SLC26A9: variants seen among roughly 807,000 people sequenced by gnomAD.
The protein encoded by SLC26A9 is anion transporter/exchanger protein 9.
A neutral mutation model predicts 87.1 loss-of-function variants in SLC26A9; 46 were observed. The observed-to-expected ratio is 0.53, with a 90% CI of 0.42 to 0.67. The LOEUF is 0.67. SLC26A9 is among the 30% of genes least tolerant of loss of function. The probability of loss-of-function intolerance (pLI) is 0.00; values close to 1 mark genes in which losing one functional copy is unlikely to be tolerated. For missense variants in SLC26A9, 927 were observed against 1,018.3 expected (o/e 0.91, Z 1.22); for synonymous variants, 437 against 409.1 (o/e 1.07, Z -0.82).
intron 14 of SLC26A9, 22 bp downstream of exon 14, chr1:205,923,522 G>T (rs770334457): frequency 4.3e-6 from 7 of 1,614,144 alleles, no homozygotes; most frequent in Non-Finnish European, 5.9e-6. Context: ...AAAGAAGGAG[G>T]TCATAAGCTT....
intron 1 of SLC26A9, among the ~76,000 whole-genome samples, chr1:205,937,252 C>T (rs533693153): frequency 6.6e-6 from 1 of 152,216 alleles, no homozygotes; most frequent in African/African-American, 2.4e-5. Flanking sequence ...CCAGCAGAAG[C>T]GAAGGTGGGA....
intron 8 of SLC26A9, 102 bp downstream of exon 8, chr1:205,928,725 G>T: frequency 1.8e-6 from 2 of 1,098,832 alleles, no homozygotes; most frequent in South Asian, 2.7e-5. Flanking sequence ...ATACAGTTTC[G>T]ACTGCACTTT....
rs1432173038 is a variant in SLC26A9, at chr1:205,914,771, C to T, written c.*586G>A. ...CCTTGGGGATGATGGAGGGGGGGCGCATAGTTACCAAGGCCTAGACTCCTG... is the reference window on the plus strand; with the variant it reads ...CCTTGGGGATGATGGAGGGGGGGCGTATAGTTACCAAGGCCTAGACTCCTG... On this transcript the variant is annotated 3_prime_UTR_variant, in exon 21 of 21. Coordinates refer to ENST00000367135, the MANE Select transcript of SLC26A9 (RefSeq NM_052934.4). The T allele has an allele frequency of 2.4e-6, 3 of 1,255,650 alleles. No homozygotes were observed. The highest frequency in any genetic ancestry group is 2.2e-6 in the Non-Finnish European group (2 of 900,900). The allele number at this position is 1,255,650 out of a possible 1,614,324, so 77.8% of individuals were successfully genotyped here.
intron 1 of SLC26A9, among the ~76,000 whole-genome samples, chr1:205,940,858 G>T (rs1478386409): frequency 6.6e-6 from 1 of 152,204 alleles, no homozygotes; most frequent in Non-Finnish European, 1.5e-5. Context: ...TGCCAGGTAC[G>T]GGAACAGCCC....
At position 205,935,705 on chromosome 1, in the gene SLC26A9, T is replaced by C; in HGVS notation, c.116A>G (p.Asn39Ser). ...GCTCTGGACCAGTTACCTGAAGGCA[T>C]TGCGAAGTTTCTCTCCCACTGGGTA... ...RTYPVGEKLRNAFRCSSAKIK... is the reference protein window; with the variant it reads ...RTYPVGEKLRSAFRCSSAKIK... The change falls in exon 2 of 21, where the codon AAT becomes AGT. Residue 39 changes from asparagine (N) to serine (S), a missense_variant. Physicochemically the swap from Asn to Ser is conservative, Grantham distance 46 (BLOSUM62 1). Transcript: ENST00000367135. 3 of 1,614,002 alleles carry C rather than the reference T, an allele frequency of 1.9e-6. No individual in the cohort carries two copies. The highest frequency in any genetic ancestry group is 1.7e-6 in the Non-Finnish European group (2 of 1,179,918).
chr1:205,932,636 C>T (rs1659351192), intron 4 of SLC26A9, 66 bp downstream of exon 4: 2 of 1,344,800 alleles, frequency 1.5e-6, no homozygotes, highest in South Asian at 1.5e-5. Context: ...TCCCGAGGCC[C>T]CTTTGCCACA....
Position 205,921,850 on chromosome 1 carries a change from G to T in SLC26A9, c.1774-3C>A. The T allele has an allele frequency of 6.2e-7, 1 of 1,602,446 alleles. No individual in the cohort carries two copies. The highest frequency in any genetic ancestry group is 1.1e-5 in the South Asian group (1 of 89,158). On this transcript the variant is annotated splice_region_variant and splice_polypyrimidine_tract_variant and intron_variant, in intron 16 of 20. Coordinates refer to ENST00000367135, the MANE Select transcript of SLC26A9 (RefSeq NM_052934.4). ...TGCAGCTCCTGCAGGGAGACAGTCT[G>T]GAAGGGTGGGGACAGTGGGCAGAGT...
rs921840520 is a variant in SLC26A9 at position 205,934,112 on chromosome 1, C to T, written c.126-1028G>A. ...TCTTGCTCAACAATAGTTTCCCTGA[C>T]ACTCGGTCCCCTGGATGTCACCCAA... On this transcript the variant is annotated intron_variant, in intron 2 of 20. Transcript: ENST00000367135. Among the ~76,000 whole-genome samples the T allele has an allele frequency of 8.5e-5, 13 of 152,210 alleles. 1 individual carries two copies. Among genetic ancestry groups the T allele is most frequent in the Admixed American group, 7.2e-4 (11 of 15,286 alleles).
In SLC26A9 at chr1:205,928,817, C is replaced by G; in HGVS notation, c.953+10G>C. ...CGGGTGGGCCAGGCTTCTGGGCCACCTGGACTCACCCGCGTTGGATTTCTC... is the reference window on the plus strand; with the variant it reads ...CGGGTGGGCCAGGCTTCTGGGCCACGTGGACTCACCCGCGTTGGATTTCTC... On this transcript the variant is annotated intron_variant, in intron 8 of 20. Transcript: ENST00000367135. 6.2e-7 allele frequency: 1 copy of G among 1,614,122 alleles called. No homozygotes were observed. Among genetic ancestry groups the G allele is most frequent in the South Asian group, 1.1e-5 (1 of 91,076 alleles).
chr1:205,924,542 A>G (rs551032299), intron 12 of SLC26A9, 53 bp from the exon 13 acceptor site: 671 of 1,550,792 alleles, frequency 4.3e-4, no homozygotes, highest in Non-Finnish European at 5.6e-4. Context: ...AACCTCTTTC[A>G]GGAAGTCTTC....
chr1:205,918,830 A>C lies in SLC26A9; in HGVS notation c.2256+10T>G. On this transcript the variant is annotated intron_variant, in intron 19 of 20. Coordinates refer to ENST00000367135, the MANE Select transcript of SLC26A9 (RefSeq NM_052934.4). ...TGGAGCCTAGGATTCCCCAGGTGCA[A>C]GAACCTTACCCCTTGGAAGTTGTGT... 6.2e-7 allele frequency: 1 copy of C among 1,608,868 alleles called. No individual in the cohort carries two copies. Among genetic ancestry groups the C allele is most frequent in the Non-Finnish European group, 8.5e-7 (1 of 1,175,654 alleles).
At position 205,923,329 on chromosome 1, in the gene SLC26A9, C is replaced by A. The variant is rs775411362; in HGVS notation, c.1659+6G>T. The A allele has an allele frequency of 1.2e-6, 2 of 1,613,896 alleles. No homozygotes were observed. The highest frequency in any genetic ancestry group is 1.1e-5 in the South Asian group (1 of 91,044). ...GAGCCTCTGGTCGCCAGGGACTGAG[C>A]CTTACCTTGGCGATGACCTTTTGCC... On this transcript the variant is annotated splice_donor_region_variant and intron_variant, in intron 15 of 20. Coordinates refer to ENST00000367135, the MANE Select transcript of SLC26A9 (RefSeq NM_052934.4).
chr1:205,915,080 C>A lies in SLC26A9; in HGVS notation c.*277G>T. On this transcript the variant is annotated 3_prime_UTR_variant, in exon 21 of 21. Coordinates refer to ENST00000367135, the MANE Select transcript of SLC26A9 (RefSeq NM_052934.4). ...GCAGAGGTGGGTGGGGTGGAGTGAG[C>A]AGGAGGCTTGTCCATTGCGGCCAGG... The A allele has an allele frequency of 6.2e-7, 1 of 1,614,052 alleles. No homozygotes were observed.
At position 205,914,652 on chromosome 1, in the gene SLC26A9, C is replaced by A; in HGVS notation, c.*705G>T. 1 of 492,812 alleles carries A rather than the reference C, an allele frequency of 2.0e-6. No individual in the cohort carries two copies. The highest frequency in any genetic ancestry group is 3.3e-5 in the East Asian group (1 of 30,258). 30.5% of individuals were successfully genotyped at this position (492,812 alleles called of 1,614,324 possible). ...CTGAGGCAGAACCTTAGTGGGCTGTCCCCGGGGAGGTAGCTCTGGTGGTCT... is the reference window on the plus strand; with the variant it reads ...CTGAGGCAGAACCTTAGTGGGCTGTACCCGGGGAGGTAGCTCTGGTGGTCT... On this transcript the variant is annotated 3_prime_UTR_variant, in exon 21 of 21. Transcript: ENST00000367135.
rs761614476 is a variant in SLC26A9, at chr1:205,931,889, T to C, written c.523A>G (p.Thr175Ala). 1 of 1,613,902 alleles carries C rather than the reference T, an allele frequency of 6.2e-7. No homozygotes were observed. The highest frequency in any genetic ancestry group is 1.1e-5 in the South Asian group (1 of 91,062). The change falls in exon 5 of 21, where the codon ACG (threonine) becomes GCG (alanine). Residue 175 changes from threonine to alanine, a missense_variant. By Grantham distance (58) the Thr-to-Ala change is moderately conservative. Transcript: ENST00000367135. ...ATGATGGCGGTGAGGCAGGCTAGCG[T>C]AGCTGACACGTGCAGCCTCTCAGCC... ...MEAERLHVSA[T>A]LACLTAIIQM...
intron 1 of SLC26A9, among the ~76,000 whole-genome samples, chr1:205,941,109 G>A (rs1258104746): frequency 6.6e-6 from 1 of 152,306 alleles, no homozygotes; most frequent in East Asian, 1.9e-4. Flanking sequence ...TCCATGGCAG[G>A]AGGAGGAAGG....
rs755264653 is a variant in SLC26A9, at chr1:205,923,588, C to A, written c.1522G>T (p.Val508Phe). 5.4e-5 allele frequency: 87 copies of A among 1,614,076 alleles called. No individual in the cohort carries two copies. The highest frequency in any genetic ancestry group is 8.5e-7 in the Non-Finnish European group (1 of 1,180,050). ...TTCACATAAATGTCAGTGTCCATGACCTGGGCCAGTGCATAGCCATTTCGA... is the reference window on the plus strand; with the variant it reads ...TTCACATAAATGTCAGTGTCCATGAACTGGGCCAGTGCATAGCCATTTCGA... The part of the protein sequence containing the change: ...QFRNGYALAQ[V>F]MDTDIYVNPK... The change falls in exon 14 of 21, where the codon GTC becomes TTC. Residue 508 changes from valine to phenylalanine, a missense_variant. Transcript: ENST00000367135.
Position 205,926,527 on chromosome 1 carries a change from A to T in SLC26A9, c.1389+8T>A, listed in dbSNP as rs1217262700. The T allele has an allele frequency of 6.2e-7, 1 of 1,613,318 alleles. No homozygotes were observed. Among genetic ancestry groups the T allele is most frequent in the African/African-American group, 1.3e-5 (1 of 74,898 alleles). ...ATGGCCAGTACCCAGAGGCTGCCCG[A>T]TACTTACACAGTCCAGCTTGCTCTT... is the stretch of plus-strand genomic sequence containing the variant. On this transcript the variant is annotated splice_region_variant and intron_variant, in intron 12 of 20. Coordinates refer to ENST00000367135, the MANE Select transcript of SLC26A9 (RefSeq NM_052934.4).
At chr1:205,940,496 A>G (rs1659693923) in intron 1 of SLC26A9, among the ~76,000 whole-genome samples, 1 of 152,166 alleles carries the variant, frequency 6.6e-6, no homozygotes, top group Non-Finnish European at 1.5e-5. Flanking sequence ...CATGGGAAGC[A>G]TGCAATAAAC....
Sources: allele counts gnomAD v4.1 joint callset (sites outside exome capture counted in the v4.1 genomes callset), GRCh38; gene constraint gnomAD v4.1.1; transcripts MANE v1.5; gene names NCBI Gene and HGNC (gene_info 2026-07-23, HGNC 2026-07-21).